Variants in FMN2 observed in about 807,000 individuals in gnomAD.
FMN2 encodes formin 2.
In FMN2, 51 loss-of-function variants were observed where a neutral mutation model predicts 142.3. The ratio of observed to expected loss-of-function variants is 0.36; its 90% CI spans 0.29 to 0.45. The LOEUF is 0.45. Ranked by LOEUF, FMN2 falls within the 20% of genes least tolerant of loss-of-function variation. The pLI is 1.00. For synonymous variants in FMN2, 882 were observed against 869.8 expected, an observed-to-expected ratio of 1.01 and a Z score of -0.25; for missense variants, 1,936 against 2,122.8, an observed-to-expected ratio of 0.91 and a Z score of 1.73.
chr1:240,194,378 A>G (rs1665834303), intron 4 of FMN2, among the ~76,000 whole-genome samples: 1 of 152,222 alleles, frequency 6.6e-6, no homozygotes, highest in African/African-American at 2.4e-5. Context: ...TTAAAATGGT[A>G]AGGACAGATT....
intron 15 of FMN2, among the ~76,000 whole-genome samples, chr1:240,434,763 G>A (rs1372282214): frequency 6.8e-5 from 10 of 147,108 alleles, no homozygotes; most frequent in South Asian, 2.1e-4. Flanking sequence ...TAGTAGAGAC[G>A]GGGTTTCACC....
chr1:240,154,886 C>T (rs1663956673), intron 2 of FMN2: 1 of 128,292 alleles, frequency 7.8e-6, no homozygotes, highest in South Asian at 3.0e-4. Flanking sequence ...CCCTCCCTTC[C>T]CCTCCCCTCC....
At chr1:240,143,871 G>A in intron 2 of FMN2, 1 of 1,586,174 alleles carries the variant, frequency 6.3e-7, no homozygotes, top group East Asian at 2.2e-5. Flanking sequence ...CCCATCACAG[G>A]CAGCAGCAGT....
In FMN2 at chr1:240,453,849, C is replaced by T. The variant is rs1676138229; in HGVS notation, c.5060+15639C>T. Among the ~76,000 whole-genome samples the T allele has an allele frequency of 3.5e-5, 2 of 57,724 alleles. 1 individual carries two copies. Among genetic ancestry groups the T allele is most frequent in the African/African-American group, 1.0e-4 (2 of 19,210 alleles). 37.9% of individuals were successfully genotyped at this position (57,724 alleles called of 152,430 possible). On this transcript the variant is annotated intron_variant, in intron 16 of 17. Transcript: ENST00000319653. ...CTAAAAAGACAAAAAATTAGCCGGG[C>T]GCGGTGGCGGGCGCCTGTAGTCCCA...
intron 6 of FMN2, among the ~76,000 whole-genome samples, chr1:240,239,216 G>A (rs1030756852): frequency 1.3e-5 from 2 of 152,196 alleles, no homozygotes. Context: ...CAATAGAGTT[G>A]AAGATGTCTT....
intron 15 of FMN2, among the ~76,000 whole-genome samples, chr1:240,435,512 A>G (rs956723093): frequency 7.9e-5 from 12 of 151,772 alleles, no homozygotes; most frequent in Non-Finnish European, 1.8e-4. Context: ...TTAATATGCA[A>G]TATAAAATAT....
chr1:240,432,520 C>A (rs1272641819), intron 15 of FMN2, among the ~76,000 whole-genome samples: 3 of 151,630 alleles, frequency 2.0e-5, no homozygotes, highest in African/African-American at 7.3e-5. Flanking sequence ...TTTATTATTT[C>A]TATTCTTCTA....
intron 13 of FMN2, among the ~76,000 whole-genome samples, chr1:240,341,224 TG>T (rs1671730812): frequency 6.6e-6 from 1 of 152,202 alleles, no homozygotes; most frequent in Non-Finnish European, 1.5e-5. Context: ...TTCTTATTCT[TG>T]TTTTGGATAT....
At chr1:240,288,437 A>G (rs1669664201) in intron 7 of FMN2, among the ~76,000 whole-genome samples, 1 of 152,140 alleles carries the variant, frequency 6.6e-6, no homozygotes, top group Non-Finnish European at 1.5e-5. Flanking sequence ...GAATAAAAAC[A>G]TTCGAATTAA....
chr1:240,359,251 C>T (rs1672382339), intron 14 of FMN2, among the ~76,000 whole-genome samples: 1 of 152,144 alleles, frequency 6.6e-6, no homozygotes, highest in African/African-American at 2.4e-5. Flanking sequence ...CATCTTAGCA[C>T]AAATAAATGC....
chr1:240,439,283 G>GAAAGAAAT (rs1675521541), intron 16 of FMN2, among the ~76,000 whole-genome samples: 3 of 65,446 alleles, frequency 4.6e-5, no homozygotes, highest in Non-Finnish European at 1.1e-4. Flanking sequence ...AAAAAAAAAA[G>GAAAGAAAT]AAAGAAAGAA....
intron 7 of FMN2, 117 bp downstream of exon 7, chr1:240,258,149 A>G (rs1207176725): frequency 4.2e-6 from 3 of 709,524 alleles, no homozygotes; most frequent in Non-Finnish European, 7.1e-6. Context: ...AGGTTAGTAT[A>G]TATCCCGTAA....
chr1:240,372,559 A>C (rs1672902670), intron 14 of FMN2, among the ~76,000 whole-genome samples: 1 of 150,872 alleles, frequency 6.6e-6, no homozygotes, highest in Non-Finnish European at 1.5e-5. Flanking sequence ...TTTATATGTA[A>C]GAAATAGGTA....
chr1:240,106,931 G>T (rs530749844), intron 1 of FMN2, among the ~76,000 whole-genome samples: 2 of 151,424 alleles, frequency 1.3e-5, no homozygotes, highest in Non-Finnish European at 2.9e-5. Context: ...TGATCTGCCC[G>T]CCTCAGCCTC....
At chr1:240,300,503 C>T (rs1032099483) in intron 8 of FMN2, among the ~76,000 whole-genome samples, 11 of 152,284 alleles carry the variant, frequency 7.2e-5, no homozygotes, top group South Asian at 6.2e-4. Context: ...CTATGACAAT[C>T]TTTGTACCCC....
intron 4 of FMN2, among the ~76,000 whole-genome samples, chr1:240,203,124 G>T (rs1666190461): frequency 6.6e-6 from 1 of 152,108 alleles, no homozygotes; most frequent in Non-Finnish European, 1.5e-5. Flanking sequence ...AGATAAATTT[G>T]GGTGCTGGTT....
At chr1:240,436,026 G>A (rs1675356107) in intron 15 of FMN2, among the ~76,000 whole-genome samples, 1 of 152,156 alleles carries the variant, frequency 6.6e-6, no homozygotes, top group African/African-American at 2.4e-5. Context: ...GAGAAGGCAT[G>A]TATGTGTTTA....
intron 13 of FMN2, among the ~76,000 whole-genome samples, chr1:240,346,104 G>A (rs1477024031): frequency 6.6e-6 from 1 of 152,110 alleles, no homozygotes; most frequent in Non-Finnish European, 1.5e-5. Context: ...AGTTTTTAAA[G>A]TTCAAATATA....
intron 13 of FMN2, among the ~76,000 whole-genome samples, chr1:240,344,217 A>G (rs1404187993): frequency 6.6e-6 from 1 of 152,198 alleles, no homozygotes; most frequent in East Asian, 1.9e-4. Context: ...GGAGCTGGGA[A>G]GAGCTAAACA....
Sources: gnomAD v4.1 joint callset for allele counts (sites outside exome capture counted in the v4.1 genomes callset) on GRCh38, gnomAD v4.1.1 for gene constraint, MANE v1.5 for transcripts, NCBI Gene and HGNC (gene_info 2026-07-23, HGNC 2026-07-21) for gene names.